The following TSPAN13 variants were observed in gnomAD, a reference collection of about 807,000 sequenced individuals.
TSPAN13 encodes tetraspanin 13.
In TSPAN13, 18 loss-of-function variants were observed where a neutral mutation model predicts 26.9. The observed-to-expected ratio is 0.67, with a 90% CI of 0.46 to 0.99. The LOEUF (loss-of-function observed/expected upper bound fraction) is 0.99, where lower values mean the gene tolerates loss of function less well. Ranked by LOEUF, TSPAN13 falls within the 50% of genes least tolerant of loss-of-function variation. The pLI is 0.00. For synonymous variants in TSPAN13, 116 were observed against 98.4 expected (o/e 1.18, Z -1.06); for missense variants, 201 against 249.6 (o/e 0.81, Z 1.31).
rs995315138 is a variant in TSPAN13, at chr7:16,783,648, A to G, written c.*157A>G. The G allele has an allele frequency of 9.2e-5, 65 of 708,638 alleles. No homozygotes were observed. Among genetic ancestry groups the G allele is most frequent in the Middle Eastern group, 3.0e-4 (1 of 3,312 alleles). 43.9% of individuals were successfully genotyped at this position (708,638 alleles called of 1,614,324 possible). A position where few individuals can be genotyped will look rare whatever the true frequency, so the allele number is the denominator to read the frequency against. ...ATATTTTTACTCTATGTTTCTCTAC[A>G]TGTTTTTTTCTTTCCGTTGCTGAAA... is the stretch of plus-strand genomic sequence containing the variant. On this transcript the variant is annotated 3_prime_UTR_variant, in exon 6 of 6. Coordinates refer to ENST00000262067, the MANE Select transcript of TSPAN13 (RefSeq NM_014399.4).
At chr7:16,779,410 A>G (rs1229748503) in intron 5 of TSPAN13, among the ~76,000 whole-genome samples, 3 of 152,162 alleles carry the variant, frequency 2.0e-5, no homozygotes, top group Non-Finnish European at 4.4e-5. Flanking sequence ...GTGATGAATT[A>G]TAATTTTAAA....
chr7:16,781,824 G>A (rs1362348781), intron 5 of TSPAN13, among the ~76,000 whole-genome samples: 1 of 152,166 alleles, frequency 6.6e-6, no homozygotes, highest in African/African-American at 2.4e-5. Flanking sequence ...AGGTTGAGGT[G>A]GGGCGGGGGG....
At chr7:16,757,621 A>G (rs1784494821) in intron 1 of TSPAN13, among the ~76,000 whole-genome samples, 2 of 152,178 alleles carry the variant, frequency 1.3e-5, no homozygotes, top group East Asian at 1.9e-4. Context: ...CAGGAGGGAA[A>G]TTTCAGAAGT....
In TSPAN13 at chr7:16,783,397, T is replaced by G; in HGVS notation, c.541-20T>G. 1 of 1,312,246 alleles carries G rather than the reference T, an allele frequency of 7.6e-7. No homozygotes were observed. Among genetic ancestry groups the G allele is most frequent in the Non-Finnish European group, 1.0e-6 (1 of 960,478 alleles). 81.3% of individuals were successfully genotyped at this position (1,312,246 alleles called of 1,614,324 possible). ...TGTTACTTTCTTTTTCTTTACTTTA[T>G]TTTTTTTTCCCCATTCCAGATCCTG... On this transcript the variant is annotated intron_variant, in intron 5 of 5. Coordinates refer to ENST00000262067, the MANE Select transcript of TSPAN13 (RefSeq NM_014399.4).
At chr7:16,754,146 C>A in intron 1 of TSPAN13, 116 bp downstream of exon 1, 1 of 1,000,526 alleles carries the variant, frequency 1.0e-6, no homozygotes, top group Non-Finnish European at 1.4e-6. Flanking sequence ...CCCTTCCCGG[C>A]TTCCCACGTC....
At chr7:16,755,545 T>TTG (rs1392552795) in intron 1 of TSPAN13, among the ~76,000 whole-genome samples, 2 of 151,550 alleles carry the variant, frequency 1.3e-5, no homozygotes, top group African/African-American at 4.9e-5. Context: ...TCTAGGGTTT[T>TTG]TTTTTTTTTT....
In TSPAN13 at chr7:16,779,064, G is replaced by C; in HGVS notation, c.488G>C (p.Gly163Ala). ...PCAPIIGEYA[G>A]EVLRFVGGIG... Reference sequence around the variant, plus strand: ...GCTCCAATCATAGGAGAATATGCTGGAGAGGTTTTGAGATTTGTTGGTGGC... The same window carrying C: ...GCTCCAATCATAGGAGAATATGCTGCAGAGGTTTTGAGATTTGTTGGTGGC... Residue 163 changes from glycine (G) to alanine (A), a missense_variant, in exon 5 of 6, where the codon GGA (glycine) becomes GCA (alanine). Coordinates refer to ENST00000262067, the MANE Select transcript of TSPAN13 (RefSeq NM_014399.4). 1.2e-6 allele frequency: 2 copies of C among 1,614,108 alleles called. No homozygotes were observed. Among genetic ancestry groups the C allele is most frequent in the Non-Finnish European group, 1.7e-6 (2 of 1,179,976 alleles).
At chr7:16,754,966 G>C (rs114513682) in intron 1 of TSPAN13, among the ~76,000 whole-genome samples, 1 of 152,166 alleles carries the variant, frequency 6.6e-6, no homozygotes, top group East Asian at 1.9e-4. Flanking sequence ...AGACCAAAAA[G>C]GTTTTAGTAA....
intron 5 of TSPAN13, among the ~76,000 whole-genome samples, chr7:16,779,926 C>T (rs1275076655): frequency 1.3e-5 from 2 of 150,310 alleles, no homozygotes; most frequent in African/African-American, 2.4e-5. Flanking sequence ...CGCCCGCCAC[C>T]ACGCCCAGCT....
intron 1 of TSPAN13, among the ~76,000 whole-genome samples, chr7:16,761,362 C>G (rs918182729): frequency 5.9e-5 from 9 of 152,202 alleles, no homozygotes; most frequent in Non-Finnish European, 1.0e-4. Flanking sequence ...TTTCATATTT[C>G]CATCCAGCTG....
At chr7:16,773,886 TA>T (rs1307954811) in intron 1 of TSPAN13, among the ~76,000 whole-genome samples, 4 of 152,236 alleles carry the variant, frequency 2.6e-5, no homozygotes, top group African/African-American at 9.6e-5. Context: ...TGAATTAGGA[TA>T]TATGCATCAC....
intron 1 of TSPAN13, among the ~76,000 whole-genome samples, chr7:16,757,232 T>C (rs941293410): frequency 2.6e-5 from 4 of 152,094 alleles, no homozygotes; most frequent in African/African-American, 9.7e-5. Context: ...GTAGAAATAG[T>C]GTGTGGGTCT....
intron 1 of TSPAN13, 87 bp downstream of exon 1, chr7:16,754,117 A>T: frequency 7.3e-7 from 1 of 1,370,222 alleles, no homozygotes; most frequent in Non-Finnish European, 1.0e-6. Context: ...TCAGCGACTC[A>T]CTCGTTGCAT....
At chr7:16,754,120 C>T (rs1562514908) in intron 1 of TSPAN13, 90 bp downstream of exon 1, 7 of 1,321,194 alleles carry the variant, frequency 5.3e-6, no homozygotes, top group African/African-American at 1.6e-5. Flanking sequence ...GCGACTCACT[C>T]GTTGCATCCC....
intron 1 of TSPAN13, among the ~76,000 whole-genome samples, chr7:16,770,023 T>C (rs1390312933): frequency 1.3e-5 from 2 of 152,120 alleles, no homozygotes; most frequent in Non-Finnish European, 2.9e-5. Context: ...TACTTTTCTC[T>C]CCTTTAATGA....
intron 2 of TSPAN13, 69 bp downstream of exon 2, chr7:16,776,447 A>G: frequency 4.8e-6 from 7 of 1,463,302 alleles, no homozygotes; most frequent in Non-Finnish European, 5.6e-6. Flanking sequence ...ATTTAATATT[A>G]TCACTAGGAA....
intron 1 of TSPAN13, among the ~76,000 whole-genome samples, chr7:16,772,203 GTAC>G (rs1784687434): frequency 6.6e-6 from 1 of 152,136 alleles, no homozygotes; most frequent in African/African-American, 2.4e-5. Flanking sequence ...GCCCATGAGG[GTAC>G]CAGAACACTT....
intron 1 of TSPAN13, among the ~76,000 whole-genome samples, chr7:16,770,165 CTT>C (rs1255192307): frequency 6.6e-6 from 1 of 150,716 alleles, no homozygotes; most frequent in Non-Finnish European, 1.5e-5. Context: ...CCCCTTTTAT[CTT>C]TTTATTTTTC....
At chr7:16,777,157 C>A (rs1296120927) in intron 3 of TSPAN13, 35 bp downstream of exon 3, 7 of 1,439,960 alleles carry the variant, frequency 4.9e-6, no homozygotes, top group Non-Finnish European at 6.8e-6. Flanking sequence ...CTTTATTATA[C>A]CACATAGCAT....
Sources: gnomAD v4.1 joint callset for allele counts (sites outside exome capture counted in the v4.1 genomes callset) on GRCh38, gnomAD v4.1.1 for gene constraint, MANE v1.5 for transcripts, NCBI Gene and HGNC (gene_info 2026-07-23, HGNC 2026-07-21) for gene names.